ALPK1: variants seen among roughly 807,000 people sequenced by gnomAD.
The protein encoded by ALPK1 is alpha-protein kinase 1.
A neutral mutation model predicts 120.6 loss-of-function variants in ALPK1; 110 were observed. The observed-to-expected ratio is 0.91, with a 90% CI of 0.78 to 1.07. The LOEUF is 1.07. ALPK1 is among the 50% of genes least tolerant of loss of function. ALPK1 has a pLI of 0.00. For synonymous variants in ALPK1, 582 were observed against 560.3 expected, an observed-to-expected ratio of 1.04 and a Z score of -0.55; for missense variants, 1,498 against 1,483.9, an observed-to-expected ratio of 1.01 and a Z score of -0.16.
In ALPK1 at chr4:112,324,977, G is replaced by C. The variant is rs542999968; in HGVS notation, c.-101+9125G>C. ...AGTCACTGAGGAACCAAAAAAAAGGGGGGGGGGGGCAAATAGAGTGAATCC... is the reference window on the plus strand; with the variant it reads ...AGTCACTGAGGAACCAAAAAAAAGGCGGGGGGGGGCAAATAGAGTGAATCC... On this transcript the variant is annotated intron_variant, in intron 2 of 15. Transcript: ENST00000650871. Among the ~76,000 whole-genome samples the C allele has an allele frequency of 9.1e-3, 1,112 of 122,028 alleles. 17 individuals carry two copies. The highest frequency in any genetic ancestry group is 0.047 in the Middle Eastern group (12 of 256). The allele number at this position is 122,028 out of a possible 152,430, so 80.1% of individuals were successfully genotyped here. A position where few individuals can be genotyped will look rare whatever the true frequency, so the allele number is the denominator to read the frequency against.
At chr4:112,415,725 A>C (rs938844184) in intron 5 of ALPK1, among the ~76,000 whole-genome samples, 7 of 152,184 alleles carry the variant, frequency 4.6e-5, no homozygotes, top group South Asian at 2.1e-4. Flanking sequence ...CAGGCAGCGC[A>C]TGCAAGTTTG....
Position 112,438,557 on chromosome 4 carries a change from G to A in ALPK1, c.3262G>A (p.Ala1088Thr), listed in dbSNP as rs551402838. The A allele has an allele frequency of 1.2e-5, 20 of 1,613,792 alleles. No individual in the cohort carries two copies. Among genetic ancestry groups the A allele is most frequent in the East Asian group, 2.2e-5 (1 of 44,868 alleles). ...CACTGATGTGGAGCGACAGATGACC[G>A]CACAGCACTATGTGACAGAATTTAA... ...HFTDVERQMT[A>T]QHYVTEFNKR... Residue 1088 changes from alanine to threonine, a missense_variant, in exon 13 of 16, where the codon GCA becomes ACA. Ala to Thr is a moderately conservative substitution (Grantham distance 58). Transcript: ENST00000650871.
intron 2 of ALPK1, among the ~76,000 whole-genome samples, chr4:112,317,276 G>T (rs1391777392): frequency 1.3e-5 from 2 of 151,882 alleles, no homozygotes; most frequent in Non-Finnish European, 2.9e-5. Flanking sequence ...TTATTTTGTT[G>T]CCTGTGCTTT....
intron 1 of ALPK1, among the ~76,000 whole-genome samples, chr4:112,314,947 C>T (rs887301726): frequency 3.8e-5 from 5 of 132,776 alleles, no homozygotes; most frequent in African/African-American, 1.4e-4. Context: ...GTGGCCTGAT[C>T]TCGGCTCACT....
At chr4:112,436,595 A>G (rs188245804) in intron 12 of ALPK1, among the ~76,000 whole-genome samples, 1 of 152,286 alleles carries the variant, frequency 6.6e-6, no homozygotes, top group Non-Finnish European at 1.5e-5. Context: ...ACGCAGAGAG[A>G]ATGCCATGTG....
intron 4 of ALPK1, among the ~76,000 whole-genome samples, chr4:112,411,439 G>A (rs547991858): frequency 6.7e-6 from 1 of 150,088 alleles, no homozygotes; most frequent in South Asian, 2.1e-4. Context: ...TGGCCAGGCT[G>A]GTCTCAAAAT....
At chr4:112,411,657 G>A in intron 4 of ALPK1, 170 bp from the exon 5 acceptor site, 2 of 632,658 alleles carry the variant, frequency 3.2e-6, no homozygotes. Flanking sequence ...TTGCACAATT[G>A]AACTGGACTT....
chr4:112,415,431 T>A (rs184705968), intron 5 of ALPK1, among the ~76,000 whole-genome samples: 14 of 151,094 alleles, frequency 9.3e-5, no homozygotes, highest in Non-Finnish European at 2.1e-4. Context: ...AAGTCAGGAG[T>A]TCGAGACCAG....
At chr4:112,397,967 G>T (rs1396507968) in intron 4 of ALPK1, among the ~76,000 whole-genome samples, 1 of 152,132 alleles carries the variant, frequency 6.6e-6, no homozygotes, top group Admixed American at 6.5e-5. Flanking sequence ...TTTAATATTG[G>T]AGAGTAATAA....
intron 2 of ALPK1, among the ~76,000 whole-genome samples, chr4:112,319,459 C>G (rs1038315877): frequency 2.6e-5 from 4 of 152,042 alleles, no homozygotes; most frequent in Non-Finnish European, 5.9e-5. Context: ...TGACTATGGC[C>G]TTATAGTCAG....
At chr4:112,321,051 C>T (rs878906450) in intron 2 of ALPK1, among the ~76,000 whole-genome samples, 1 of 151,910 alleles carries the variant, frequency 6.6e-6, no homozygotes, top group African/African-American at 2.4e-5. Flanking sequence ...CGCCTGCCAC[C>T]ACGCCCGGCT....
At chr4:112,381,724 G>A (rs1269541225) in intron 3 of ALPK1, among the ~76,000 whole-genome samples, 1 of 152,124 alleles carries the variant, frequency 6.6e-6, no homozygotes, top group African/African-American at 2.4e-5. Flanking sequence ...TCTGTTTCGG[G>A]TGCCAAACTT....
At chr4:112,321,995 AC>A (rs201198282) in intron 2 of ALPK1, among the ~76,000 whole-genome samples, 1,651 of 151,038 alleles carry the variant, frequency 0.011, 10 homozygotes, top group South Asian at 0.039. Context: ...GCAGTGAGGC[AC>A]TAGAAAGAAG....
Position 112,318,050 on chromosome 4 carries a change from G to C in ALPK1, c.-101+2198G>C, listed in dbSNP as rs1578458588. Among the ~76,000 whole-genome samples, 3 of 152,254 alleles carry C rather than the reference G, an allele frequency of 2.0e-5. No individual in the cohort carries two copies. The East Asian group carries it at 5.8e-4, about 29-fold the overall frequency. On this transcript the variant is annotated intron_variant, in intron 2 of 15. Transcript: ENST00000650871. ...GATTCAAGACATTTCAGGGTATTAGGATGTGATATTTATACTAAGTGAGTA... is the reference window on the plus strand; with the variant it reads ...GATTCAAGACATTTCAGGGTATTAGCATGTGATATTTATACTAAGTGAGTA...
intron 2 of ALPK1, among the ~76,000 whole-genome samples, chr4:112,365,848 T>C (rs186406516): frequency 6.6e-6 from 1 of 152,160 alleles, no homozygotes; most frequent in Admixed American, 6.5e-5. Context: ...GGTACTGGTA[T>C]AAAAATAGGC....
chr4:112,438,524 C>T lies in ALPK1; in HGVS notation c.3229C>T (p.His1077Tyr), dbSNP rs2148767494. The change falls in exon 13 of 16, where the codon CAC (histidine) becomes TAC (tyrosine). Residue 1077 changes from histidine to tyrosine, a missense_variant. Transcript: ENST00000650871. ...KDYKEQKGLWHHFTDVERQMT... is the reference protein window; with the variant it reads ...KDYKEQKGLWYHFTDVERQMT... ...CTATAAGGAGCAGAAGGGGCTCTGG[C>T]ACCACTTCACTGATGTGGAGCGACA... The T allele has an allele frequency of 1.2e-6, 2 of 1,613,800 alleles. No individual in the cohort carries two copies. The highest frequency in any genetic ancestry group is 8.5e-7 in the Non-Finnish European group (1 of 1,179,792).
chr4:112,361,754 G>A (rs887010440), intron 2 of ALPK1, among the ~76,000 whole-genome samples: 8 of 152,220 alleles, frequency 5.3e-5, no homozygotes, highest in Admixed American at 1.3e-4. Context: ...TCTTGAAAGT[G>A]CCACCTCCTG....
intron 2 of ALPK1, among the ~76,000 whole-genome samples, chr4:112,334,945 G>A (rs543129674): frequency 3.3e-5 from 5 of 152,292 alleles, no homozygotes; most frequent in South Asian, 2.1e-4. Flanking sequence ...CATTCCAGGG[G>A]TTCACAGTAC....
intron 2 of ALPK1, among the ~76,000 whole-genome samples, chr4:112,320,132 G>A (rs753627175): frequency 5.9e-5 from 9 of 152,134 alleles, no homozygotes; most frequent in African/African-American, 9.7e-5. Context: ...AGATCTCAGG[G>A]GGAATGCTTT....
Sources: gnomAD v4.1 joint callset for allele counts (sites outside exome capture counted in the v4.1 genomes callset) on GRCh38, gnomAD v4.1.1 for gene constraint, MANE v1.5 for transcripts, NCBI Gene and HGNC (gene_info 2026-07-23, HGNC 2026-07-21) for gene names.